SGCD: variants seen among roughly 807,000 people sequenced by gnomAD.
The protein encoded by SGCD is sarcoglycan delta, also known as delta-sarcoglycan.
In SGCD, 18 loss-of-function variants were observed where a neutral mutation model predicts 36.6. The ratio of observed to expected loss-of-function variants is 0.49; its 90% CI spans 0.34 to 0.73. The LOEUF is 0.73. Ranked by LOEUF, SGCD falls within the 30% of genes least tolerant of loss-of-function variation. The pLI is 0.01. For synonymous variants in SGCD, 133 were observed against 130.6 expected (o/e 1.02, Z -0.12); for missense variants, 387 against 346.7 (o/e 1.12, Z -0.92).
At chr5:156,006,722 A>T (rs4634337) in intron 1 of SGCD, among the ~76,000 whole-genome samples, 37,483 of 152,098 alleles carry the variant, frequency 0.25, 4,987 homozygotes, top group South Asian at 0.37. Context: ...GGTGGATTCT[A>T]TTTTATTCTA....
intron 7 of SGCD, among the ~76,000 whole-genome samples, chr5:156,696,543 T>G (rs555022423): frequency 2.0e-4 from 30 of 152,342 alleles, no homozygotes; most frequent in Admixed American, 1.8e-3. Flanking sequence ...TAAGTCTCAC[T>G]CTGTTGCCCA....
At chr5:155,736,708 C>A in the SGCD span, among the ~76,000 whole-genome samples, 1 of 152,190 alleles carries the variant, frequency 6.6e-6, no homozygotes, top group African/African-American at 2.4e-5. Context: ...ACCACCTCCT[C>A]CTCCTACTTT....
intron 3 of SGCD, among the ~76,000 whole-genome samples, chr5:156,463,230 G>C (rs1057371402): frequency 6.6e-6 from 1 of 152,030 alleles, no homozygotes; most frequent in East Asian, 1.9e-4. Flanking sequence ...TTTTAGGAGA[G>C]ATGGGGTTTC....
In SGCD at chr5:156,020,276, T is replaced by G. The variant is rs538438343; in HGVS notation, c.-281-97602T>G. ...TCCTCTTCATTTTTGTATTTAAATG[T>G]TTTTATTGAATAATTTAGAAGAGTA... On this transcript the variant is annotated intron_variant, in intron 1 of 9. Transcript: ENST00000517913. Among the ~76,000 whole-genome samples the G allele has an allele frequency of 1.9e-3, 283 of 152,338 alleles. 1 individual carries two copies. Among genetic ancestry groups the G allele is most frequent in the Non-Finnish European group, 3.1e-3 (214 of 68,018 alleles).
At chr5:155,804,297 G>A in the SGCD span, among the ~76,000 whole-genome samples, 6 of 152,308 alleles carry the variant, frequency 3.9e-5, no homozygotes, top group Non-Finnish European at 5.9e-5. Context: ...GCATTTTGCA[G>A]ATAGGGAAAC....
At chr5:156,326,454 C>T (rs1288174015), upstream of SGCD, among the ~76,000 whole-genome samples, 1 of 152,120 alleles carries the variant, frequency 6.6e-6, no homozygotes, top group Non-Finnish European at 1.5e-5. Context: ...AACAAAAGTG[C>T]CTGAAAAATA....
chr5:156,490,845 G>A (rs773657537), intron 3 of SGCD, among the ~76,000 whole-genome samples: 1 of 152,034 alleles, frequency 6.6e-6, no homozygotes, highest in Non-Finnish European at 1.5e-5. Flanking sequence ...AGTACTAGAA[G>A]TTCTAGCAAG....
upstream of SGCD, among the ~76,000 whole-genome samples, chr5:155,866,789 C>T (rs1755533068): frequency 6.6e-6 from 1 of 152,180 alleles, no homozygotes; most frequent in South Asian, 2.1e-4. Context: ...TAACTCAGGC[C>T]TGTCTGACCC....
At chr5:155,869,262 T>C (rs962878120), upstream of SGCD, among the ~76,000 whole-genome samples, 3 of 152,192 alleles carry the variant, frequency 2.0e-5, no homozygotes, top group Non-Finnish European at 2.9e-5. Flanking sequence ...CACTATTCGG[T>C]GCCCACAACC....
intron 3 of SGCD, among the ~76,000 whole-genome samples, chr5:156,280,280 A>G (rs759591210): frequency 1.3e-5 from 2 of 152,196 alleles, no homozygotes; most frequent in African/African-American, 2.4e-5. Context: ...ACGGCATTGT[A>G]TTAATAGGTA....
chr5:156,169,130 A>G (rs1763282365), intron 3 of SGCD, among the ~76,000 whole-genome samples: 1 of 152,222 alleles, frequency 6.6e-6, no homozygotes, highest in African/African-American at 2.4e-5. Context: ...AATTGCCCCC[A>G]GGCTCCTTGA....
chr5:155,832,491 A>G, the SGCD span, among the ~76,000 whole-genome samples: 5 of 152,118 alleles, frequency 3.3e-5, no homozygotes, highest in East Asian at 9.7e-4. Flanking sequence ...GGTTGGCTCC[A>G]GTCTATTTTT....
intron 7 of SGCD, among the ~76,000 whole-genome samples, chr5:156,708,107 A>G (rs1581434831): frequency 6.6e-6 from 1 of 152,216 alleles, no homozygotes; most frequent in Middle Eastern, 3.4e-3. Flanking sequence ...CTTTTTGAGG[A>G]TAAGAACGGA....
intron 3 of SGCD, among the ~76,000 whole-genome samples, chr5:156,281,826 T>G (rs1766460247): frequency 6.6e-6 from 1 of 152,164 alleles, no homozygotes; most frequent in Non-Finnish European, 1.5e-5. Context: ...TTTTTATTTC[T>G]CCATCTGATG....
At chr5:156,652,559 ACTT>A (rs1763502974) in intron 7 of SGCD, among the ~76,000 whole-genome samples, 1 of 152,082 alleles carries the variant, frequency 6.6e-6, no homozygotes, top group South Asian at 2.1e-4. Context: ...AGATAATTTG[ACTT>A]CTTTTCTTTT....
rs116091119 is a variant in SGCD, at chr5:156,014,734, C to A, written c.-281-103144C>A. ...TTGTGTACAGGATCTTGTCCAAGAG[C>A]AGTTTATTTTTCCTGTTTTTTATTT... On this transcript the variant is annotated intron_variant, in intron 1 of 9. Transcript: ENST00000517913. Among the ~76,000 whole-genome samples, 726 of 152,230 alleles carry A rather than the reference C, an allele frequency of 4.8e-3. 9 individuals are homozygous for A. Among genetic ancestry groups the A allele is most frequent in the African/African-American group, 0.016 (677 of 41,548 alleles).
intron 6 of SGCD, 25 bp downstream of exon 6, chr5:156,595,076 T>G: frequency 6.3e-7 from 1 of 1,597,172 alleles, no homozygotes; most frequent in Non-Finnish European, 8.5e-7. Flanking sequence ...ATCATTTAAC[T>G]TGTTTGATGC....
At chr5:156,571,475 A>G (rs1759722469) in intron 4 of SGCD, among the ~76,000 whole-genome samples, 2 of 151,890 alleles carry the variant, frequency 1.3e-5, no homozygotes, top group Admixed American at 1.3e-4. Context: ...TGATATAGGG[A>G]TCAGTCTGCT....
chr5:156,572,924 C>G (rs1451233062), intron 4 of SGCD, among the ~76,000 whole-genome samples: 1 of 152,050 alleles, frequency 6.6e-6, no homozygotes, highest in Non-Finnish European at 1.5e-5. Flanking sequence ...TCTCTTTTGA[C>G]CTGTCCACAA....
Sources: gnomAD v4.1 joint callset for allele counts (sites outside exome capture counted in the v4.1 genomes callset) on GRCh38, gnomAD v4.1.1 for gene constraint, MANE v1.5 for transcripts, NCBI Gene and HGNC (gene_info 2026-07-23, HGNC 2026-07-21) for gene names.